Variants in ASXL3 observed in about 807,000 individuals in gnomAD.
ASXL3 encodes the protein putative Polycomb group protein ASXL3.
ASXL3 carries 34 observed loss-of-function variants against 170.6 expected under a neutral mutation model. That is an observed-to-expected ratio of 0.20 (90% CI 0.15 to 0.27). The LOEUF is 0.27. Among genes scored for constraint, ASXL3 ranks in the 10% least tolerant of loss-of-function variants. The pLI is 1.00. For synonymous variants in ASXL3, 1,002 were observed against 989.1 expected (o/e 1.01, Z -0.24); for missense variants, 2,592 against 2,695.3 (o/e 0.96, Z 0.85).
intron 8 of ASXL3, among the ~76,000 whole-genome samples, chr18:33,685,880 G>A (rs1480140567): frequency 6.6e-6 from 1 of 152,134 alleles, no homozygotes; most frequent in Non-Finnish European, 1.5e-5. Context: ...TGAGAGATCT[G>A]CCCCCATGAG....
intron 1 of ASXL3, 83 bp downstream of exon 1, chr18:33,578,768 G>A: frequency 2.3e-6 from 2 of 874,064 alleles, no homozygotes; most frequent in Non-Finnish European, 2.9e-6. Flanking sequence ...GGCGGAGACG[G>A]CCACTTCCAG....
At chr18:33,680,668 C>T (rs973804048) in intron 7 of ASXL3, among the ~76,000 whole-genome samples, 1 of 151,904 alleles carries the variant, frequency 6.6e-6, no homozygotes, top group Non-Finnish European at 1.5e-5. Flanking sequence ...TATATATTCC[C>T]AGTAAATTAT....
At chr18:33,700,580 A>G (rs531777760) in intron 8 of ASXL3, among the ~76,000 whole-genome samples, 1 of 152,110 alleles carries the variant, frequency 6.6e-6, no homozygotes, top group Non-Finnish European at 1.5e-5. Flanking sequence ...CTGAAAGAGA[A>G]TGAAGTTTGA....
chr18:33,672,033 A>T (rs1017934213), intron 7 of ASXL3, among the ~76,000 whole-genome samples, 167 bp downstream of exon 7: 11 of 152,226 alleles, frequency 7.2e-5, no homozygotes, highest in East Asian at 1.9e-4. Context: ...CATTCTAGTT[A>T]CAACTGAATG....
chr18:33,585,053 T>C (rs796590161), intron 1 of ASXL3, among the ~76,000 whole-genome samples: 8 of 152,182 alleles, frequency 5.3e-5, no homozygotes, highest in African/African-American at 1.7e-4. Context: ...TTCCCTGCCT[T>C]TTGGATTGCC....
chr18:33,665,004 C>G (rs1183688071), intron 5 of ASXL3, among the ~76,000 whole-genome samples: 1 of 152,078 alleles, frequency 6.6e-6, no homozygotes, highest in Non-Finnish European at 1.5e-5. Flanking sequence ...CAGCAGATTG[C>G]TGATTATTAC....
intron 2 of ASXL3, among the ~76,000 whole-genome samples, chr18:33,642,103 G>A (rs754823117): frequency 6.6e-6 from 1 of 151,702 alleles, no homozygotes; most frequent in South Asian, 2.1e-4. Flanking sequence ...ATATATATAT[G>A]TGTATATACA....
chr18:33,627,396 G>A (rs1318554002), intron 2 of ASXL3, among the ~76,000 whole-genome samples: 1 of 152,160 alleles, frequency 6.6e-6, no homozygotes, highest in South Asian at 2.1e-4. Flanking sequence ...TTAACAGTTT[G>A]TGTAAACTGT....
intron 4 of ASXL3, 89 bp from the exon 5 acceptor site, chr18:33,661,527 C>A: frequency 7.7e-7 from 1 of 1,297,950 alleles, no homozygotes; most frequent in South Asian, 1.5e-5. Flanking sequence ...TATCCATTTT[C>A]AATTGCAGAA....
intron 2 of ASXL3, among the ~76,000 whole-genome samples, chr18:33,619,210 A>G (rs1271338536): frequency 6.6e-6 from 1 of 152,120 alleles, no homozygotes; most frequent in East Asian, 1.9e-4. Flanking sequence ...CTTAGAGCCA[A>G]TTGTTCTTAA....
At chr18:33,600,056 T>A (rs1197931947) in intron 1 of ASXL3, among the ~76,000 whole-genome samples, 1 of 152,112 alleles carries the variant, frequency 6.6e-6, no homozygotes, top group African/African-American at 2.4e-5. Context: ...TTTTAATGAG[T>A]GTAATTCTTA....
intron 4 of ASXL3, among the ~76,000 whole-genome samples, chr18:33,659,982 A>G (rs2066145264): frequency 6.6e-6 from 1 of 152,068 alleles, no homozygotes. Flanking sequence ...TTCTAGTTTC[A>G]GTATCATGCA....
intron 8 of ASXL3, among the ~76,000 whole-genome samples, chr18:33,691,661 A>ATTAC (rs1446448078): frequency 2.6e-5 from 4 of 152,192 alleles, no homozygotes; most frequent in Non-Finnish European, 5.9e-5. Flanking sequence ...AGAGATGTAA[A>ATTAC]AGCCTGTAAT....
chr18:33,734,141 A>AGCATTTAGCTTTAGCATTCTTCT (rs1555741115), intron 9 of ASXL3, among the ~76,000 whole-genome samples, 169 bp from the exon 10 acceptor site: 1 of 151,666 alleles, frequency 6.6e-6, no homozygotes, highest in African/African-American at 2.4e-5. Flanking sequence ...ATTTTTATGA[A>AGCATTTAGCTTTAGCATTCTTCT]CATCTTGAGT....
chr18:33,672,877 G>T (rs1208600251), intron 7 of ASXL3, among the ~76,000 whole-genome samples: 1 of 151,780 alleles, frequency 6.6e-6, no homozygotes, highest in Non-Finnish European at 1.5e-5. Context: ...CTTTAAATAG[G>T]ATTTATTTAT....
chr18:33,744,650 A>G lies in ASXL3; in HGVS notation c.4802A>G (p.Tyr1601Cys), dbSNP rs1175802497. Residue 1601 changes from tyrosine (Y) to cysteine (C), a missense_variant, in exon 12 of 12, where the codon TAT (tyrosine) becomes TGT (cysteine). Tyr to Cys is a radical substitution (Grantham distance 194). Transcript: ENST00000269197. Reference protein sequence around the residue: ...SEADTTCSNQYNPSNRICWND... With the variant: ...SEADTTCSNQCNPSNRICWND... ...GCAGACACAACCTGTAGCAATCAGTATAACCCAAGTAACCGGATTTGCTGG... is the reference window on the plus strand; with the variant it reads ...GCAGACACAACCTGTAGCAATCAGTGTAACCCAAGTAACCGGATTTGCTGG... 3 of 1,606,976 alleles carry G rather than the reference A, an allele frequency of 1.9e-6. No homozygotes were observed. The highest frequency in any genetic ancestry group is 1.7e-5 in the Admixed American group (1 of 58,766).
chr18:33,740,854 T>C (rs772358862), intron 11 of ASXL3, among the ~76,000 whole-genome samples: 24 of 147,190 alleles, frequency 1.6e-4, no homozygotes, highest in Non-Finnish European at 7.4e-5. Context: ...GTTTCTGCTC[T>C]CTGTCACTTA....
chr18:33,678,077 A>ATTATTTAT (rs140094203), intron 7 of ASXL3, among the ~76,000 whole-genome samples: 687 of 149,280 alleles, frequency 4.6e-3, no homozygotes, highest in African/African-American at 7.7e-3. Context: ...TTATGTATTT[A>ATTATTTAT]TTATTTATTT....
chr18:33,644,478 GTT>G (rs75956043), intron 2 of ASXL3, among the ~76,000 whole-genome samples: 1 of 135,116 alleles, frequency 7.4e-6, no homozygotes, highest in East Asian at 2.2e-4. Flanking sequence ...GGGTTTTTTT[GTT>G]TTTTTTTTTT....
Sources: allele counts gnomAD v4.1 joint callset (sites outside exome capture counted in the v4.1 genomes callset), GRCh38; gene constraint gnomAD v4.1.1; transcripts MANE v1.5; gene names NCBI Gene and HGNC (gene_info 2026-07-23, HGNC 2026-07-21).